PHYHIPL: variants seen among roughly 807,000 people sequenced by gnomAD.
PHYHIPL encodes phytanoyl-CoA 2-hydroxylase interacting protein like, also known as phytanoyl-CoA hydroxylase-interacting protein-like.
PHYHIPL carries 9 observed loss-of-function variants against 33.4 expected under a neutral mutation model. That is an observed-to-expected ratio of 0.27 (90% CI 0.16 to 0.47). The LOEUF (loss-of-function observed/expected upper bound fraction) is 0.47, where lower values mean the gene tolerates loss of function less well. Ranked by LOEUF, PHYHIPL falls within the 20% of genes least tolerant of loss-of-function variation. The probability of loss-of-function intolerance (pLI) is 0.99; values close to 1 mark genes in which losing one functional copy is unlikely to be tolerated. For synonymous variants in PHYHIPL, 153 were observed against 154.1 expected (o/e 0.99, Z 0.05); for missense variants, 365 against 460.7 (o/e 0.79, Z 1.90).
Position 59,247,590 on chromosome 10 carries a change from A to G in PHYHIPL, c.*1999A>G, listed in dbSNP as rs1434146301. ...AACTTTACTTTATATCATGGGTGAA[A>G]GTGATCATAACATTTCCTGAACCTC... On this transcript the variant is annotated 3_prime_UTR_variant, in exon 5 of 5. Transcript: ENST00000373880. The G allele has an allele frequency of 6.2e-7, 1 of 1,612,928 alleles. No homozygotes were observed. Among genetic ancestry groups the G allele is most frequent in the South Asian group, 1.1e-5 (1 of 90,924 alleles).
intron 3 of PHYHIPL, among the ~76,000 whole-genome samples, chr10:59,237,333 ACAGT>A (rs906605221): frequency 6.6e-6 from 1 of 151,996 alleles, no homozygotes; most frequent in African/African-American, 2.4e-5. Context: ...CATTCAAGAA[ACAGT>A]CATTTATTGA....
chr10:59,206,194 C>T (rs1416844094), intron 1 of PHYHIPL, among the ~76,000 whole-genome samples: 1 of 152,120 alleles, frequency 6.6e-6, no homozygotes, highest in Non-Finnish European at 1.5e-5. Flanking sequence ...CAGGATTTTG[C>T]CTTTCATGGT....
chr10:59,223,966 C>A (rs973600296), intron 1 of PHYHIPL, among the ~76,000 whole-genome samples: 17 of 152,030 alleles, frequency 1.1e-4, no homozygotes, highest in African/African-American at 4.1e-4. Context: ...AGCCCAATTG[C>A]CCTTTTTTAT....
At position 59,205,963 on chromosome 10, in the gene PHYHIPL, G is replaced by A. The variant is rs778845940; in HGVS notation, c.107-28341G>A. Among the ~76,000 whole-genome samples, 7 of 152,150 alleles carry A rather than the reference G, an allele frequency of 4.6e-5. 1 individual carries two copies. The highest frequency in any genetic ancestry group is 6.3e-3 in the Middle Eastern group (2 of 316). ...GAACAGATACTGTAAGGAACTTAAG[G>A]TCAGGATTTCATGGCCTTAGCACTG... On this transcript the variant is annotated intron_variant, in intron 1 of 4. Transcript: ENST00000373880.
At chr10:59,212,607 TC>T (rs1839490160) in intron 1 of PHYHIPL, among the ~76,000 whole-genome samples, 1 of 152,310 alleles carries the variant, frequency 6.6e-6, no homozygotes, top group East Asian at 1.9e-4. Context: ...CATGTCACTT[TC>T]CTTTTTCTGT....
chr10:59,174,815 T>TC (rs1838223407), upstream of PHYHIPL, among the ~76,000 whole-genome samples: 1 of 152,228 alleles, frequency 6.6e-6, no homozygotes, highest in Non-Finnish European at 1.5e-5. Context: ...CTCCCATACT[T>TC]CCTCTTTCTT....
At chr10:59,186,711 T>C (rs1838616212) in intron 1 of PHYHIPL, among the ~76,000 whole-genome samples, 1 of 152,204 alleles carries the variant, frequency 6.6e-6, no homozygotes, top group African/African-American at 2.4e-5. Flanking sequence ...AGGTATTTTA[T>C]TCTCTTAGTA....
At chr10:59,215,934 C>T (rs1305378316) in intron 1 of PHYHIPL, among the ~76,000 whole-genome samples, 9 of 151,832 alleles carry the variant, frequency 5.9e-5, no homozygotes, top group Non-Finnish European at 7.4e-5. Flanking sequence ...CTGGGCATTA[C>T]GTTGATGCCA....
intron 1 of PHYHIPL, among the ~76,000 whole-genome samples, chr10:59,231,086 A>G (rs1303650904): frequency 8.6e-6 from 1 of 116,306 alleles, no homozygotes; most frequent in East Asian, 2.6e-4. Context: ...AATACATGGT[A>G]AACATTAGAA....
chr10:59,243,004 G>A (rs1412952294), intron 4 of PHYHIPL, among the ~76,000 whole-genome samples: 6 of 151,894 alleles, frequency 4.0e-5, no homozygotes, highest in African/African-American at 9.7e-5. Flanking sequence ...ATTAATAGCC[G>A]AAATGTTCCC....
intron 1 of PHYHIPL, among the ~76,000 whole-genome samples, chr10:59,204,714 A>T (rs1278188205): frequency 6.6e-6 from 1 of 151,970 alleles, no homozygotes; most frequent in Admixed American, 6.6e-5. Context: ...ATTGGTAGGG[A>T]GTGCCATCTC....
chr10:59,228,264 G>A (rs1174649063), intron 1 of PHYHIPL, among the ~76,000 whole-genome samples: 4 of 152,054 alleles, frequency 2.6e-5, no homozygotes, highest in Non-Finnish European at 4.4e-5. Context: ...ATGTGAAAAT[G>A]TGCATGATAA....
At chr10:59,183,170 G>A (rs1295613594) in intron 1 of PHYHIPL, among the ~76,000 whole-genome samples, 5 of 151,432 alleles carry the variant, frequency 3.3e-5, no homozygotes, top group African/African-American at 1.2e-4. Flanking sequence ...ACTCCTCAAA[G>A]GCTATACAAG....
chr10:59,208,754 C>T (rs1839358857), intron 1 of PHYHIPL, among the ~76,000 whole-genome samples: 1 of 151,972 alleles, frequency 6.6e-6, no homozygotes, highest in Non-Finnish European at 1.5e-5. Context: ...ATCTGAAAAA[C>T]ACAGCACAAG....
At chr10:59,189,213 A>C (rs150831142) in intron 1 of PHYHIPL, among the ~76,000 whole-genome samples, 117 of 152,082 alleles carry the variant, frequency 7.7e-4, no homozygotes, top group African/African-American at 2.5e-3. Context: ...TTTCTTTTTT[A>C]ATTTCCAATC....
In PHYHIPL at chr10:59,246,169, A is replaced by C. The variant is rs1402293388; in HGVS notation, c.*578A>C. 1 of 152,740 alleles carries C rather than the reference A, an allele frequency of 6.5e-6. No individual in the cohort carries two copies. Among genetic ancestry groups the C allele is most frequent in the Non-Finnish European group, 1.5e-5 (1 of 68,112 alleles). The allele number at this position is 152,740 out of a possible 1,614,324, so 9.5% of individuals were successfully genotyped here. A position where few individuals can be genotyped will look rare whatever the true frequency, so the allele number is the denominator to read the frequency against. ...AATATTTTATTTGTATTGTTGTATA[A>C]AATATTTACAATCATATAGAATATA... On this transcript the variant is annotated 3_prime_UTR_variant, in exon 5 of 5. Transcript: ENST00000373880.
Position 59,247,512 on chromosome 10 carries a change from G to T in PHYHIPL, c.*1921G>T. ...AAACAGCTAATACTACCACTAAAGT[G>T]CTTCCATTTTCATTGTGTCAAAACT... On this transcript the variant is annotated 3_prime_UTR_variant, in exon 5 of 5. Coordinates refer to ENST00000373880, the MANE Select transcript of PHYHIPL (RefSeq NM_032439.4). The T allele has an allele frequency of 2.1e-6, 3 of 1,423,352 alleles. 1 individual carries two copies. Among genetic ancestry groups the T allele is most frequent in the South Asian group, 2.4e-5 (2 of 83,568 alleles). 88.2% of individuals were successfully genotyped at this position (1,423,352 alleles called of 1,614,324 possible).
intron 4 of PHYHIPL, among the ~76,000 whole-genome samples, chr10:59,242,403 C>G (rs543449612): frequency 1.4e-5 from 2 of 144,650 alleles, no homozygotes; most frequent in Non-Finnish European, 3.0e-5. Context: ...ACCCCATACT[C>G]TTCACCCACT....
chr10:59,213,394 A>G (rs993761438), intron 1 of PHYHIPL, among the ~76,000 whole-genome samples: 4 of 152,162 alleles, frequency 2.6e-5, no homozygotes, highest in Non-Finnish European at 5.9e-5. Context: ...ATTCTGCTGC[A>G]TTGCCTTTAA....
Sources: allele counts gnomAD v4.1 joint callset (sites outside exome capture counted in the v4.1 genomes callset), GRCh38; gene constraint gnomAD v4.1.1; transcripts MANE v1.5; gene names NCBI Gene and HGNC (gene_info 2026-07-23, HGNC 2026-07-21).